ATP2B1: variants seen among roughly 807,000 people sequenced by gnomAD.
The protein encoded by ATP2B1 is ATPase plasma membrane Ca2+ transporting 1, also known as plasma membrane calcium-transporting ATPase 1.
In ATP2B1, 14 loss-of-function variants were observed where a neutral mutation model predicts 124.2. The observed-to-expected ratio is 0.11, with a 90% CI of 0.07 to 0.18. ATP2B1 has a LOEUF of 0.18. Ranked by LOEUF, ATP2B1 falls within the 10% of genes least tolerant of loss-of-function variation. The pLI is 1.00. For synonymous variants in ATP2B1, 449 were observed against 492.4 expected, an observed-to-expected ratio of 0.91 and a Z score of 1.17; for missense variants, 763 against 1,466.1, an observed-to-expected ratio of 0.52 and a Z score of 7.83.
chr12:89,691,463 C>T (rs1008484281), intron 1 of ATP2B1, among the ~76,000 whole-genome samples: 13 of 152,032 alleles, frequency 8.6e-5, no homozygotes, highest in Admixed American at 1.3e-4. Context: ...AAGATATTTG[C>T]CATAAGCTAA....
chr12:89,659,357 AAC>A (rs10648843), intron 1 of ATP2B1, among the ~76,000 whole-genome samples: 11,144 of 148,914 alleles, frequency 0.075, 460 homozygotes, highest in East Asian at 0.13. Flanking sequence ...GGTATTACAA[AAC>A]ACACACACAC....
intron 12 of ATP2B1, chr12:89,611,674 G>C (rs1399284563): frequency 1.3e-5 from 3 of 235,664 alleles, no homozygotes; most frequent in Non-Finnish European, 2.4e-5. Flanking sequence ...GCAACCATTA[G>C]GCAATTCTTT....
At chr12:89,636,766 C>A (rs1411754777) in intron 3 of ATP2B1, among the ~76,000 whole-genome samples, 1 of 152,120 alleles carries the variant, frequency 6.6e-6, no homozygotes, top group Non-Finnish European at 1.5e-5. Context: ...CTGAGAACCA[C>A]CAGCAGGATT....
chr12:89,624,477 G>A, intron 8 of ATP2B1, 80 bp from the exon 9 acceptor site: 2 of 1,151,670 alleles, frequency 1.7e-6, no homozygotes, highest in Non-Finnish European at 2.5e-6. Flanking sequence ...ATTAAACACT[G>A]TAAAGAGTTA....
chr12:89,680,813 A>G (rs1448719101), intron 1 of ATP2B1, among the ~76,000 whole-genome samples: 1 of 152,186 alleles, frequency 6.6e-6, no homozygotes, highest in Non-Finnish European at 1.5e-5. Flanking sequence ...GATTAAAAAA[A>G]AATCCCCAGA....
intron 1 of ATP2B1, among the ~76,000 whole-genome samples, chr12:89,680,893 A>G (rs891649834): frequency 6.6e-6 from 1 of 152,216 alleles, no homozygotes; most frequent in Non-Finnish European, 1.5e-5. Context: ...ATACAAAGAA[A>G]GATAACCACG....
intron 1 of ATP2B1, among the ~76,000 whole-genome samples, chr12:89,682,004 G>A (rs1019884007): frequency 8.6e-5 from 13 of 151,974 alleles, no homozygotes; most frequent in South Asian, 4.2e-4. Context: ...TGAATATCAC[G>A]GACTGAGAGC....
At chr12:89,668,994 T>C (rs1273250379) in intron 1 of ATP2B1, among the ~76,000 whole-genome samples, 1 of 152,212 alleles carries the variant, frequency 6.6e-6, no homozygotes, top group Admixed American at 6.5e-5. Flanking sequence ...GGCATGGAAT[T>C]AAAATATGTA....
At chr12:89,613,109 A>G (rs910849349) in intron 12 of ATP2B1, among the ~76,000 whole-genome samples, 10 of 151,876 alleles carry the variant, frequency 6.6e-5, no homozygotes, top group Non-Finnish European at 1.3e-4. Flanking sequence ...CCTCCTGAGT[A>G]GCTGGGATCA....
In ATP2B1 at chr12:89,627,658, T is replaced by C. The variant is rs749285001; in HGVS notation, c.967+20A>G. ...TATAATGAAAACAAGCTCACTGTAC[T>C]TTTGTCCTCCTAAATTTACCTTTGT... On this transcript the variant is annotated intron_variant, in intron 7 of 20. Coordinates refer to ENST00000428670, the MANE Select transcript of ATP2B1 (RefSeq NM_001366521.1). 6.2e-7 allele frequency: 1 copy of C among 1,612,560 alleles called. No individual in the cohort carries two copies.
chr12:89,676,830 A>G (rs1361413848), intron 1 of ATP2B1, among the ~76,000 whole-genome samples: 1 of 152,152 alleles, frequency 6.6e-6, no homozygotes, highest in East Asian at 1.9e-4. Context: ...CTAAATTCTC[A>G]TTGTTAAAAG....
At chr12:89,658,636 A>AGAGAGG (rs1555204326) in intron 1 of ATP2B1, among the ~76,000 whole-genome samples, 4 of 151,486 alleles carry the variant, frequency 2.6e-5, no homozygotes, top group African/African-American at 7.3e-5. Flanking sequence ...AGAGAGAGAG[A>AGAGAGG]GAGAGAGAGA....
intron 1 of ATP2B1, among the ~76,000 whole-genome samples, chr12:89,701,210 T>C (rs914908269): frequency 1.3e-5 from 2 of 152,214 alleles, no homozygotes; most frequent in Non-Finnish European, 2.9e-5. Flanking sequence ...GCAGCAATGA[T>C]ATGATGCTCA....
rs2135828279 is a variant in ATP2B1, at chr12:89,590,293, TTTC to T, written c.*688_*690del. On this transcript the variant is annotated 3_prime_UTR_variant, in exon 21 of 21. Coordinates refer to ENST00000428670, the MANE Select transcript of ATP2B1 (RefSeq NM_001366521.1). ...ATGTTTTTTTGTTTTGTTTTGTTTT[TTTC>T]GTTTTTTTAAACAAAGCATTAGTGT... is the stretch of plus-strand genomic sequence containing the variant. 1 of 152,660 alleles carries T rather than the reference TTTC, an allele frequency of 6.6e-6. No individual in the cohort carries two copies. The highest frequency in any genetic ancestry group is 1.5e-5 in the Non-Finnish European group (1 of 67,984). 9.5% of individuals were successfully genotyped at this position (152,660 alleles called of 1,614,324 possible). A position where few individuals can be genotyped will look rare whatever the true frequency, so the allele number is the denominator to read the frequency against.
intron 11 of ATP2B1, 28 bp from the exon 12 acceptor site, chr12:89,617,067 C>A (rs763239580): frequency 3.2e-6 from 5 of 1,554,386 alleles, no homozygotes. Context: ...ATCCAAACAT[C>A]AATAATTTAA....
At chr12:89,622,477 A>G (rs1182206658) in intron 9 of ATP2B1, among the ~76,000 whole-genome samples, 1 of 152,076 alleles carries the variant, frequency 6.6e-6, no homozygotes, top group African/African-American at 2.4e-5. Flanking sequence ...CAGTTTTCAC[A>G]GTAGTCTCAC....
chr12:89,677,542 C>A (rs1392993496), intron 1 of ATP2B1, among the ~76,000 whole-genome samples: 1 of 152,094 alleles, frequency 6.6e-6, no homozygotes, highest in Admixed American at 6.6e-5. Context: ...TGCCACAGAA[C>A]AAATGTACCC....
chr12:89,646,762 T>A (rs1884508163), intron 2 of ATP2B1, among the ~76,000 whole-genome samples: 1 of 152,060 alleles, frequency 6.6e-6, no homozygotes, highest in Non-Finnish European at 1.5e-5. Context: ...ATAGCTAACT[T>A]TTTCCAAGAG....
intron 2 of ATP2B1, among the ~76,000 whole-genome samples, chr12:89,643,097 T>C (rs925436033): frequency 9.5e-4 from 106 of 112,082 alleles, no homozygotes; most frequent in African/African-American, 2.6e-3. Context: ...CACACATATA[T>C]ACATACGTAT....
Sources: allele counts gnomAD v4.1 joint callset (sites outside exome capture counted in the v4.1 genomes callset), GRCh38; gene constraint gnomAD v4.1.1; transcripts MANE v1.5; gene names NCBI Gene and HGNC (gene_info 2026-07-23, HGNC 2026-07-21).